Variants in SNTG2 observed in about 807,000 individuals in gnomAD.
SNTG2 encodes the protein gamma-2-syntrophin.
Under a neutral mutation model 70.9 loss-of-function variants are expected in SNTG2, and 74 were observed. The observed-to-expected ratio is 1.04, with a 90% CI of 0.86 to 1.27. SNTG2 has a LOEUF of 1.27. Ranked by LOEUF, SNTG2 falls within the 50% of genes most tolerant of loss-of-function variation. SNTG2 has a pLI of 0.00. For synonymous variants in SNTG2, 278 were observed against 273.8 expected, an observed-to-expected ratio of 1.02 and a Z score of -0.15; for missense variants, 717 against 690.7, an observed-to-expected ratio of 1.04 and a Z score of -0.43.
intron 2 of SNTG2, among the ~76,000 whole-genome samples, chr2:1,091,582 G>A (rs924156307): frequency 8.5e-5 from 13 of 152,286 alleles, no homozygotes; most frequent in Admixed American, 3.3e-4. Flanking sequence ...TTAGGGCTAC[G>A]GGGCCGCTCC....
chr2:1,039,007 G>T (rs989408159), intron 1 of SNTG2, among the ~76,000 whole-genome samples: 1 of 152,136 alleles, frequency 6.6e-6, no homozygotes. Context: ...CTTCCACTTT[G>T]CAAATCTGTA....
intron 1 of SNTG2, among the ~76,000 whole-genome samples, chr2:1,066,136 A>T (rs944990854): frequency 6.6e-6 from 1 of 152,218 alleles, no homozygotes; most frequent in East Asian, 1.9e-4. Flanking sequence ...AATAGAAATA[A>T]GTTTGTTTAT....
chr2:1,150,133 A>G (rs1004039984), intron 6 of SNTG2, among the ~76,000 whole-genome samples: 1 of 152,214 alleles, frequency 6.6e-6, no homozygotes, highest in Non-Finnish European at 1.5e-5. Flanking sequence ...GGTTTAGGGA[A>G]CTATTTTGAG....
chr2:1,272,990 T>C (rs1679115037), intron 14 of SNTG2, among the ~76,000 whole-genome samples: 1 of 152,230 alleles, frequency 6.6e-6, no homozygotes, highest in African/African-American at 2.4e-5. Context: ...CCTAGGTCTG[T>C]GTGTGCTATA....
At chr2:1,170,197 T>G (rs1671034119) in intron 7 of SNTG2, among the ~76,000 whole-genome samples, 1 of 152,226 alleles carries the variant, frequency 6.6e-6, no homozygotes, top group Non-Finnish European at 1.5e-5. Context: ...TAGGGTTTTA[T>G]TTTTCACAAG....
chr2:1,267,567 C>T lies in SNTG2; in HGVS notation c.1280C>T (p.Thr427Ile). 6.2e-7 allele frequency: 1 copy of T among 1,612,436 alleles called. No homozygotes were observed. Among genetic ancestry groups the T allele is most frequent in the Non-Finnish European group, 8.5e-7 (1 of 1,179,812 alleles). The change falls in exon 14 of 17, where the codon ACC (threonine) becomes ATC (isoleucine). Residue 427 changes from threonine to isoleucine, a missense_variant. Coordinates refer to ENST00000308624, the MANE Select transcript of SNTG2 (RefSeq NM_018968.4). ...GCCACGTTCATGGAAGTTCAGAGAA[C>T]CGGGGTAAGTGAACAACTCACACTC... ...QRATFMEVQRTGSRTYMCSWQ... is the reference protein window; with the variant it reads ...QRATFMEVQRIGSRTYMCSWQ...
At position 1,209,213 on chromosome 2, in the gene SNTG2, C is replaced by T. The variant is rs776173570; in HGVS notation, c.702C>T (p.Ala234=). 5.0e-6 allele frequency: 8 copies of T among 1,613,896 alleles called. No individual in the cohort carries two copies. The South Asian group carries it at 6.6e-5, about 13-fold the overall frequency. The change falls in exon 9 of 17, where the codon GCC becomes GCT. Residue 234 remains alanine, a synonymous_variant. Coordinates refer to ENST00000308624, the MANE Select transcript of SNTG2 (RefSeq NM_018968.4). ...TGGCTCGCATCTCAAGGTACAAAGC[C>T]GGAACGGAAAAATTAAGGTGTGTGA... ...LSMARISRYK[A]GTEKLRWNAF... is the part of the protein sequence containing the mutation.
intron 1 of SNTG2, among the ~76,000 whole-genome samples, chr2:983,320 A>C (rs113179676): frequency 1.3e-3 from 186 of 139,312 alleles, no homozygotes; most frequent in African/African-American, 5.0e-3. Context: ...GGTCAGGATG[A>C]AGAAGCTGCA....
intron 6 of SNTG2, among the ~76,000 whole-genome samples, chr2:1,165,282 C>T (rs1398416524): frequency 1.3e-5 from 2 of 151,984 alleles, no homozygotes; most frequent in African/African-American, 4.8e-5. Context: ...CAGAGAGCAT[C>T]CCTGTGATGT....
intron 13 of SNTG2, among the ~76,000 whole-genome samples, chr2:1,262,383 T>C (rs1333511775): frequency 6.6e-6 from 1 of 152,180 alleles, no homozygotes; most frequent in Non-Finnish European, 1.5e-5. Flanking sequence ...GACGCCATCT[T>C]GCCAGTGATC....
At chr2:1,326,278 A>G (rs1020575617) in intron 16 of SNTG2, among the ~76,000 whole-genome samples, 1 of 152,232 alleles carries the variant, frequency 6.6e-6, no homozygotes, top group Non-Finnish European at 1.5e-5. Flanking sequence ...GAAACGTAAT[A>G]TGCCTTTCTT....
At chr2:1,074,441 T>C (rs1663789880) in intron 1 of SNTG2, among the ~76,000 whole-genome samples, 1 of 152,240 alleles carries the variant, frequency 6.6e-6, no homozygotes, top group East Asian at 1.9e-4. Context: ...CAGGAATATT[T>C]ATAAAATCTT....
intron 6 of SNTG2, among the ~76,000 whole-genome samples, chr2:1,165,279 C>T (rs1463537991): frequency 6.6e-6 from 1 of 152,094 alleles, no homozygotes; most frequent in Non-Finnish European, 1.5e-5. Flanking sequence ...ATGCAGAGAG[C>T]ATCCCTGTGA....
At chr2:1,021,936 CTTTTTT>C (rs71392556) in intron 1 of SNTG2, among the ~76,000 whole-genome samples, 2 of 121,142 alleles carry the variant, frequency 1.7e-5, no homozygotes, top group African/African-American at 3.2e-5. Flanking sequence ...GTTTTATGTG[CTTTTTT>C]TTTTTTTTTT....
At chr2:1,073,283 C>G (rs1572365538) in intron 1 of SNTG2, among the ~76,000 whole-genome samples, 1 of 152,190 alleles carries the variant, frequency 6.6e-6, no homozygotes, top group African/African-American at 2.4e-5. Flanking sequence ...ATGTGGCACA[C>G]TTCAATGTTG....
At chr2:1,193,816 C>G (rs1672742082) in intron 8 of SNTG2, among the ~76,000 whole-genome samples, 1 of 152,226 alleles carries the variant, frequency 6.6e-6, no homozygotes. Flanking sequence ...CCTGACCACA[C>G]TTTACACCCA....
At chr2:1,016,644 G>T (rs1659900964) in intron 1 of SNTG2, among the ~76,000 whole-genome samples, 1 of 152,232 alleles carries the variant, frequency 6.6e-6, no homozygotes. Context: ...GGAAGGCTGA[G>T]ACAGGAATTT....
chr2:1,011,375 C>T (rs79244316), intron 1 of SNTG2, among the ~76,000 whole-genome samples: 4,447 of 152,262 alleles, frequency 0.029, 252 homozygotes, highest in African/African-American at 0.1. Context: ...TGACCATTCT[C>T]CTTTAACTGT....
intron 15 of SNTG2, among the ~76,000 whole-genome samples, chr2:1,313,957 A>C (rs1427044028): frequency 6.6e-6 from 1 of 152,212 alleles, no homozygotes; most frequent in Non-Finnish European, 1.5e-5. Flanking sequence ...GTGCAATATC[A>C]ATGGACCATA....
Sources: allele counts gnomAD v4.1 joint callset (sites outside exome capture counted in the v4.1 genomes callset), GRCh38; gene constraint gnomAD v4.1.1; transcripts MANE v1.5; gene names NCBI Gene and HGNC (gene_info 2026-07-23, HGNC 2026-07-21).